Variants in LRRC37A2 observed in about 807,000 individuals in gnomAD.
The protein encoded by LRRC37A2 is leucine-rich repeat-containing protein 37A2.
A neutral mutation model predicts 68.8 loss-of-function variants in LRRC37A2; 9 were observed. The observed-to-expected ratio is 0.13, with a 90% CI of 0.08 to 0.23. The LOEUF (loss-of-function observed/expected upper bound fraction) is 0.23. Among genes scored for constraint, LRRC37A2 ranks in the 10% least tolerant of loss-of-function variants. The probability of loss-of-function intolerance (pLI) is 1.00; values close to 1 mark genes in which losing one functional copy is unlikely to be tolerated. For missense variants in LRRC37A2, 168 were observed against 950.4 expected (o/e 0.18, Z 10.82); for synonymous variants, 63 against 367.6 (o/e 0.17, Z 9.48).
At chr17:46,847,095 A>G in the LRRC37A2 span, among the ~76,000 whole-genome samples, 7 of 152,240 alleles carry the variant, frequency 4.6e-5, no homozygotes, top group Non-Finnish European at 8.8e-5. Flanking sequence ...AAAACTAGGA[A>G]AATGCAAGGA....
At chr17:46,874,779 T>C in the LRRC37A2 span, among the ~76,000 whole-genome samples, 1 of 152,164 alleles carries the variant, frequency 6.6e-6, no homozygotes, top group Non-Finnish European at 1.5e-5. Context: ...GGTTTCACCA[T>C]ATTGGCCAGA....
the LRRC37A2 span, among the ~76,000 whole-genome samples, chr17:46,838,813 G>A: frequency 1.7e-3 from 260 of 152,234 alleles, no homozygotes; most frequent in African/African-American, 6.1e-3. Context: ...ATAGAGGCCT[G>A]TGCACAGAGA....
chr17:47,022,626 C>T, the LRRC37A2 span, among the ~76,000 whole-genome samples: 3 of 152,156 alleles, frequency 2.0e-5, no homozygotes, highest in African/African-American at 7.2e-5. Context: ...TTACATAAAG[C>T]AAAATAGATT....
At chr17:46,495,040 C>CTCATATATGAATGAGAATATGTGAT in the LRRC37A2 span, among the ~76,000 whole-genome samples, 1 of 148,626 alleles carries the variant, frequency 6.7e-6, no homozygotes, top group Non-Finnish European at 1.5e-5. Flanking sequence ...TTCTTAATCT[C>CTCATATATGAATGAGAATATGTGAT]TCATATATGA....
the LRRC37A2 span, chr17:47,021,952 A>C: frequency 6.7e-7 from 1 of 1,483,884 alleles, no homozygotes; most frequent in African/African-American, 1.4e-5. Context: ...TATGACAAAA[A>C]GCTAACTGCA....
the LRRC37A2 span, among the ~76,000 whole-genome samples, chr17:46,881,564 A>G: frequency 6.6e-6 from 1 of 152,054 alleles, no homozygotes. Context: ...TATTCTCTCT[A>G]CCATACACCA....
At chr17:46,461,997 CAAA>C in the LRRC37A2 span, among the ~76,000 whole-genome samples, 1 of 57,330 alleles carries the variant, frequency 1.7e-5, no homozygotes, top group African/African-American at 5.4e-5. Context: ...AACTCCATGT[CAAA>C]AAAAAAAAAA....
At chr17:46,715,125 G>T in the LRRC37A2 span, among the ~76,000 whole-genome samples, 1 of 152,188 alleles carries the variant, frequency 6.6e-6, no homozygotes, top group Non-Finnish European at 1.5e-5. Flanking sequence ...CTTGTAGCAG[G>T]ATTCCAGGCA....
chr17:46,851,666 G>T, the LRRC37A2 span: 25 of 1,304,062 alleles, frequency 1.9e-5, no homozygotes, highest in East Asian at 6.3e-4. This position sits in a 1 kb window ranked among gnomAD's most constrained non-coding sequence, Gnocchi z 4.3. Flanking sequence ...GCTGGCCCTG[G>T]CCGGGCTCTG....
the LRRC37A2 span, among the ~76,000 whole-genome samples, chr17:46,986,314 G>T: frequency 6.6e-6 from 1 of 152,144 alleles, no homozygotes. Flanking sequence ...CTGCCTCCTA[G>T]AATTGTTGGG....
chr17:46,960,924 C>CTT, the LRRC37A2 span, among the ~76,000 whole-genome samples: 4 of 152,004 alleles, frequency 2.6e-5, no homozygotes, highest in Non-Finnish European at 4.4e-5. Flanking sequence ...TGACACAACT[C>CTT]TAAGTATTTG....
the LRRC37A2 span, among the ~76,000 whole-genome samples, chr17:46,914,650 C>CAAAA: frequency 4.3e-4 from 31 of 72,426 alleles, no homozygotes; most frequent in Admixed American, 5.6e-4. Flanking sequence ...GACTCCACCT[C>CAAAA]AAAAAAAAAA....
At chr17:46,605,447 T>G in the LRRC37A2 span, among the ~76,000 whole-genome samples, 1 of 144,176 alleles carries the variant, frequency 6.9e-6, no homozygotes, top group South Asian at 2.2e-4. Flanking sequence ...AAACTCCATC[T>G]CAAAAAAAAA....
chr17:46,872,818 C>T, the LRRC37A2 span: 4 of 1,500,398 alleles, frequency 2.7e-6, no homozygotes, highest in Non-Finnish European at 3.6e-6. Flanking sequence ...GGGAAGAAGC[C>T]TTCAGGGAGG....
At chr17:47,006,637 A>G in the LRRC37A2 span, among the ~76,000 whole-genome samples, 1 of 152,178 alleles carries the variant, frequency 6.6e-6, no homozygotes, top group Admixed American at 6.5e-5. Flanking sequence ...GGCCAACAGG[A>G]TGCCTCTGCT....
At chr17:46,763,500 T>C in the LRRC37A2 span, 1 of 152,166 alleles carries the variant, frequency 6.6e-6, no homozygotes, top group Non-Finnish European at 1.5e-5. Flanking sequence ...TTACTCACAT[T>C]GGCCCCAGAG....
chr17:47,006,836 T>C, the LRRC37A2 span, among the ~76,000 whole-genome samples: 1 of 152,346 alleles, frequency 6.6e-6, no homozygotes, highest in East Asian at 1.9e-4. Flanking sequence ...ACAGAAGCTG[T>C]GGGCAGAAAA....
the LRRC37A2 span, chr17:46,770,165 A>C: frequency 4.1e-5 from 56 of 1,362,124 alleles, no homozygotes; most frequent in Non-Finnish European, 5.2e-5. Flanking sequence ...TGAAGAGCTC[A>C]CCAGCCCTGA....
the LRRC37A2 span, chr17:46,851,649 C>A: frequency 7.8e-7 from 1 of 1,283,114 alleles, no homozygotes; most frequent in Non-Finnish European, 9.8e-7. This position sits in a 1 kb window ranked among gnomAD's most constrained non-coding sequence, Gnocchi z 4.3. Context: ...ATGCGCCCCC[C>A]GCCCGCGCTG....
Sources: allele counts gnomAD v4.1 joint callset (sites outside exome capture counted in the v4.1 genomes callset), GRCh38; gene constraint gnomAD v4.1.1; non-coding constraint Gnocchi (gnomAD v3.1); transcripts MANE v1.5; gene names NCBI Gene and HGNC (gene_info 2026-07-23, HGNC 2026-07-21).